The following SV2C variants were observed in gnomAD, a reference collection of about 807,000 sequenced individuals.
The protein encoded by SV2C is solute carrier family 22 member B3.
A neutral mutation model predicts 79.7 loss-of-function variants in SV2C; 49 were observed. The observed-to-expected ratio is 0.61, with a 90% CI of 0.49 to 0.78. The LOEUF (loss-of-function observed/expected upper bound fraction) is 0.78. Among genes scored for constraint, SV2C ranks in the 30% least tolerant of loss-of-function variants. SV2C has a pLI of 0.00. For missense variants in SV2C, 833 were observed against 912.9 expected (o/e 0.91, Z 1.13); for synonymous variants, 334 against 333.2 (o/e 1.00, Z -0.03).
At chr5:76,191,569 T>C (rs1017846173) in intron 2 of SV2C, among the ~76,000 whole-genome samples, 3 of 152,176 alleles carry the variant, frequency 2.0e-5, no homozygotes, top group Admixed American at 2.0e-4. Context: ...AAAAGACATG[T>C]CCCCTTAGGG....
the SV2C span, among the ~76,000 whole-genome samples, chr5:75,864,601 A>G: frequency 6.6e-6 from 1 of 152,202 alleles, no homozygotes; most frequent in Non-Finnish European, 1.5e-5. Context: ...GTGGTGTACC[A>G]TGAAGCCTGA....
intron 2 of SV2C, among the ~76,000 whole-genome samples, chr5:76,191,000 G>A (rs1744082176): frequency 6.6e-6 from 1 of 152,122 alleles, no homozygotes; most frequent in Admixed American, 6.5e-5. Flanking sequence ...TTCTCACACT[G>A]CTGTAAAGAA....
At chr5:75,921,586 G>A in the SV2C span, 1 of 959,466 alleles carries the variant, frequency 1.0e-6, no homozygotes, top group Non-Finnish European at 1.7e-6. Flanking sequence ...TGAAGTTCCT[G>A]TTGTAGGAGG....
intron 1 of SV2C, among the ~76,000 whole-genome samples, chr5:76,094,484 G>T (rs779595551): frequency 1.1e-4 from 17 of 151,896 alleles, no homozygotes; most frequent in South Asian, 4.2e-4. Flanking sequence ...GTTTTTTTGT[G>T]TATCAATAGT....
At chr5:76,126,165 C>A (rs1045248355) in intron 1 of SV2C, among the ~76,000 whole-genome samples, 1 of 152,138 alleles carries the variant, frequency 6.6e-6, no homozygotes, top group African/African-American at 2.4e-5. Context: ...TATTGGTGAG[C>A]ATAATGGAAA....
chr5:76,045,737 G>C, the SV2C span, among the ~76,000 whole-genome samples: 4 of 152,012 alleles, frequency 2.6e-5, no homozygotes, highest in African/African-American at 9.7e-5. Flanking sequence ...TTTGCTTCTA[G>C]GTATGAGTAT....
the SV2C span, among the ~76,000 whole-genome samples, chr5:75,995,750 G>A: frequency 6.6e-6 from 1 of 152,040 alleles, no homozygotes; most frequent in South Asian, 2.1e-4. Flanking sequence ...ACTGTTATAA[G>A]CTTTAAGAAA....
chr5:76,134,170 A>G (rs1748992560), intron 2 of SV2C, among the ~76,000 whole-genome samples: 1 of 152,114 alleles, frequency 6.6e-6, no homozygotes, highest in Non-Finnish European at 1.5e-5. Context: ...CTGCAGAACA[A>G]TTGGAGCACA....
chr5:76,203,006 T>C (rs1211994348), intron 3 of SV2C, among the ~76,000 whole-genome samples: 2 of 152,240 alleles, frequency 1.3e-5, no homozygotes, highest in Middle Eastern at 3.2e-3. Flanking sequence ...GTGGCTCACA[T>C]TTTCTATTGG....
the SV2C span, among the ~76,000 whole-genome samples, chr5:75,994,185 G>A: frequency 6.6e-6 from 1 of 152,024 alleles, no homozygotes; most frequent in Non-Finnish European, 1.5e-5. Context: ...ATTTAAAAAC[G>A]TAAATCATGT....
At chr5:75,958,488 C>T in the SV2C span, among the ~76,000 whole-genome samples, 9 of 151,896 alleles carry the variant, frequency 5.9e-5, no homozygotes, top group Admixed American at 1.3e-4. Flanking sequence ...TCTGTTGTAG[C>T]GACATTGCTT....
At chr5:75,848,992 G>A in the SV2C span, among the ~76,000 whole-genome samples, 1 of 152,234 alleles carries the variant, frequency 6.6e-6, no homozygotes, top group African/African-American at 2.4e-5. Context: ...TGCCTAGAAT[G>A]TAATGACAGT....
At chr5:76,055,267 A>G in the SV2C span, among the ~76,000 whole-genome samples, 2 of 152,142 alleles carry the variant, frequency 1.3e-5, no homozygotes, top group African/African-American at 4.8e-5. Flanking sequence ...TCCTTTCCCC[A>G]TTGCTTGTTT....
intron 12 of SV2C, among the ~76,000 whole-genome samples, chr5:76,305,793 C>T (rs1306201734): frequency 6.6e-6 from 1 of 152,196 alleles, no homozygotes; most frequent in East Asian, 1.9e-4. Context: ...ATGAGCATAA[C>T]AATTGCAGTC....
chr5:76,169,757 G>C (rs1283097875), intron 2 of SV2C, among the ~76,000 whole-genome samples: 1 of 152,136 alleles, frequency 6.6e-6, no homozygotes, highest in Non-Finnish European at 1.5e-5. Context: ...GGAATTTGAG[G>C]GGCTTGAGAA....
intron 2 of SV2C, among the ~76,000 whole-genome samples, chr5:76,176,531 A>C (rs1275307079): frequency 6.6e-6 from 1 of 152,178 alleles, no homozygotes; most frequent in African/African-American, 2.4e-5. Context: ...ACCACCACCC[A>C]TAAACACCCT....
intron 2 of SV2C, 49 bp from the exon 3 acceptor site, chr5:76,194,870 C>G (rs1202161887): frequency 1.3e-6 from 2 of 1,590,550 alleles, no homozygotes; most frequent in African/African-American, 1.4e-5. Flanking sequence ...TTACATGTGT[C>G]ATTGACTCCC....
At chr5:76,005,631 T>A in the SV2C span, among the ~76,000 whole-genome samples, 1 of 152,206 alleles carries the variant, frequency 6.6e-6, no homozygotes, top group Non-Finnish European at 1.5e-5. Flanking sequence ...TTGAGTCCCT[T>A]CCTAGATCAA....
At chr5:75,912,055 G>A in the SV2C span, among the ~76,000 whole-genome samples, 1 of 152,218 alleles carries the variant, frequency 6.6e-6, no homozygotes, top group Non-Finnish European at 1.5e-5. Context: ...GAGGTGGAGT[G>A]AGGCAGGCTG....
Sources: allele counts gnomAD v4.1 joint callset (sites outside exome capture counted in the v4.1 genomes callset), GRCh38; gene constraint gnomAD v4.1.1; transcripts MANE v1.5; gene names NCBI Gene and HGNC (gene_info 2026-07-23, HGNC 2026-07-21).